The following FCHSD2 variants were observed in gnomAD, a reference collection of about 807,000 sequenced individuals.
FCHSD2 encodes the protein FCH and double SH3 domains 2, also known as F-BAR and double SH3 domains protein 2.
In FCHSD2, 38 loss-of-function variants were observed where a neutral mutation model predicts 108.1. The observed-to-expected ratio is 0.35, with a 90% CI of 0.27 to 0.46. FCHSD2 has a LOEUF of 0.46. Ranked by LOEUF, FCHSD2 falls within the 20% of genes least tolerant of loss-of-function variation. The pLI, the probability that FCHSD2 is intolerant of heterozygous loss-of-function variation, is 1.00. For missense variants in FCHSD2, 751 were observed against 897.8 expected (o/e 0.84, Z 2.09); for synonymous variants, 279 against 314.7 (o/e 0.89, Z 1.20).
At chr11:73,042,261 A>G (rs1858658771) in intron 3 of FCHSD2, among the ~76,000 whole-genome samples, 1 of 152,168 alleles carries the variant, frequency 6.6e-6, no homozygotes, top group African/African-American at 2.4e-5. Flanking sequence ...GACAGGGGTC[A>G]TTCTTCCGCA....
At chr11:73,094,090 A>C (rs938066911) in intron 2 of FCHSD2, among the ~76,000 whole-genome samples, 7 of 152,130 alleles carry the variant, frequency 4.6e-5, no homozygotes, top group Admixed American at 4.6e-4. Context: ...GCACATCTGT[A>C]ATCCCAGCTA....
At chr11:73,003,853 T>A (rs949757591) in intron 4 of FCHSD2, among the ~76,000 whole-genome samples, 6 of 151,392 alleles carry the variant, frequency 4.0e-5, no homozygotes, top group African/African-American at 1.2e-4. Context: ...AAGCCTGTAA[T>A]CCCAGCACTC....
chr11:72,994,446 A>T (rs1302524567), intron 5 of FCHSD2, among the ~76,000 whole-genome samples: 2 of 152,186 alleles, frequency 1.3e-5, no homozygotes, highest in Non-Finnish European at 2.9e-5. Flanking sequence ...TTAAGATGAG[A>T]AAATAGACTC....
chr11:72,851,263 G>A (rs6592494), intron 13 of FCHSD2, among the ~76,000 whole-genome samples: 144,656 of 152,236 alleles, frequency 0.95, 69,056 homozygotes, highest in East Asian at 1. Context: ...TAGCAATTCC[G>A]CTTTTATGAA....
At chr11:73,128,851 A>G (rs1860921086) in intron 2 of FCHSD2, among the ~76,000 whole-genome samples, 1 of 152,138 alleles carries the variant, frequency 6.6e-6, no homozygotes, top group Non-Finnish European at 1.5e-5. Flanking sequence ...TTAAAGAATA[A>G]GTCAGGCTAT....
chr11:72,878,962 T>C (rs547388444), intron 12 of FCHSD2, among the ~76,000 whole-genome samples: 2 of 152,030 alleles, frequency 1.3e-5, no homozygotes, highest in East Asian at 1.9e-4. Context: ...CAAAAAAAAT[T>C]AGCTGGTTTT....
intron 2 of FCHSD2, among the ~76,000 whole-genome samples, chr11:73,110,747 G>C (rs1253511030): frequency 6.6e-6 from 1 of 151,954 alleles, no homozygotes; most frequent in Non-Finnish European, 1.5e-5. Flanking sequence ...GCTGCATAAG[G>C]TACATCATTA....
intron 9 of FCHSD2, among the ~76,000 whole-genome samples, chr11:72,904,493 T>G (rs1042527599): frequency 2.0e-5 from 3 of 152,180 alleles, no homozygotes; most frequent in Non-Finnish European, 4.4e-5. Flanking sequence ...CATCCCCTTA[T>G]GGCCAATATT....
intron 3 of FCHSD2, among the ~76,000 whole-genome samples, chr11:73,016,758 C>A (rs1336655045): frequency 6.6e-6 from 1 of 152,160 alleles, no homozygotes; most frequent in Non-Finnish European, 1.5e-5. Context: ...GATACCATGA[C>A]ACAAGTCACT....
intron 3 of FCHSD2, among the ~76,000 whole-genome samples, chr11:73,035,288 C>G (rs1197524263): frequency 2.6e-5 from 4 of 151,970 alleles, no homozygotes; most frequent in Admixed American, 2.6e-4. Flanking sequence ...CCACACCCAC[C>G]AGGCTCAAGA....
At chr11:72,864,323 G>T (rs1379659803) in intron 13 of FCHSD2, among the ~76,000 whole-genome samples, 3 of 152,232 alleles carry the variant, frequency 2.0e-5, no homozygotes, top group Non-Finnish European at 2.9e-5. Flanking sequence ...CACTTTGGGA[G>T]GCCAACGTGG....
chr11:73,068,257 C>T (rs1859343821), intron 3 of FCHSD2, among the ~76,000 whole-genome samples: 1 of 148,560 alleles, frequency 6.7e-6, no homozygotes, highest in Non-Finnish European at 1.5e-5. Context: ...TGCATGTTCT[C>T]GCTTGTGAGT....
intron 4 of FCHSD2, among the ~76,000 whole-genome samples, chr11:73,011,238 C>T (rs1005344525): frequency 6.6e-6 from 1 of 152,088 alleles, no homozygotes; most frequent in African/African-American, 2.4e-5. Flanking sequence ...CCATGGTAGG[C>T]AGGGGCAGGC....
intron 9 of FCHSD2, among the ~76,000 whole-genome samples, chr11:72,917,142 G>A (rs971095928): frequency 4.0e-5 from 6 of 151,854 alleles, no homozygotes; most frequent in African/African-American, 7.3e-5. Context: ...CCACCACCAC[G>A]CCCAGCCAAT....
At chr11:73,079,803 CA>C (rs1279640382) in intron 3 of FCHSD2, among the ~76,000 whole-genome samples, 1 of 151,922 alleles carries the variant, frequency 6.6e-6, no homozygotes, top group Non-Finnish European at 1.5e-5. Flanking sequence ...TGATAAGTAA[CA>C]GAAACAGGCA....
intron 13 of FCHSD2, among the ~76,000 whole-genome samples, chr11:72,861,864 G>A (rs771089891): frequency 1.3e-5 from 2 of 151,632 alleles, no homozygotes; most frequent in African/African-American, 2.4e-5. Flanking sequence ...CTGGGAGGTG[G>A]AGGTTGCGGT....
At chr11:73,030,005 C>A (rs1858321308) in intron 3 of FCHSD2, among the ~76,000 whole-genome samples, 1 of 152,096 alleles carries the variant, frequency 6.6e-6, no homozygotes, top group Admixed American at 6.5e-5. Flanking sequence ...TTATTAGATT[C>A]AAATGGCCAG....
chr11:73,043,739 T>C (rs1056541421), intron 3 of FCHSD2, among the ~76,000 whole-genome samples: 3 of 152,230 alleles, frequency 2.0e-5, no homozygotes, highest in Non-Finnish European at 4.4e-5. Context: ...TTAAGAGATA[T>C]GATATGTGTT....
intron 4 of FCHSD2, among the ~76,000 whole-genome samples, chr11:73,006,554 C>T (rs1360663779): frequency 6.6e-6 from 1 of 152,204 alleles, no homozygotes; most frequent in Non-Finnish European, 1.5e-5. Context: ...CTTTGAGCCA[C>T]CCTCACCTTA....
Sources: gnomAD v4.1 joint callset for allele counts (sites outside exome capture counted in the v4.1 genomes callset) on GRCh38, gnomAD v4.1.1 for gene constraint, MANE v1.5 for transcripts, NCBI Gene and HGNC (gene_info 2026-07-23, HGNC 2026-07-21) for gene names.